The following CYP2J2 variants were observed in gnomAD, a reference collection of about 807,000 sequenced individuals.
CYP2J2 encodes the protein cytochrome P450 family 2 subfamily J member 2.
In CYP2J2, 41 loss-of-function variants were observed where a neutral mutation model predicts 48.8. The ratio of observed to expected loss-of-function variants is 0.84; its 90% CI spans 0.66 to 1.09. The LOEUF is 1.09. Ranked by LOEUF, CYP2J2 falls within the 50% of genes least tolerant of loss-of-function variation. The pLI is 0.00. For missense variants in CYP2J2, 644 were observed against 617.3 expected, an observed-to-expected ratio of 1.04 and a Z score of -0.46; for synonymous variants, 221 against 227.1, an observed-to-expected ratio of 0.97 and a Z score of 0.24.
At chr1:59,963,541 T>C in the CYP2J2 span, among the ~76,000 whole-genome samples, 2 of 152,220 alleles carry the variant, frequency 1.3e-5, no homozygotes, top group Non-Finnish European at 2.9e-5. Context: ...GGCTGGATGA[T>C]ATTCCATTGT....
intron 8 of CYP2J2, among the ~76,000 whole-genome samples, chr1:59,894,590 A>T (rs902765177): frequency 6.6e-6 from 1 of 152,208 alleles, no homozygotes; most frequent in African/African-American, 2.4e-5. Flanking sequence ...GGCAAATTAA[A>T]CAACCTCTCT....
At chr1:59,924,016 TAAACAA>T (rs1441089803) in intron 1 of CYP2J2, among the ~76,000 whole-genome samples, 1 of 151,954 alleles carries the variant, frequency 6.6e-6, no homozygotes, top group Non-Finnish European at 1.5e-5. Context: ...CTCTGAAAAT[TAAACAA>T]AAACAAAAAC....
the CYP2J2 span, among the ~76,000 whole-genome samples, chr1:59,934,163 G>A: frequency 6.6e-6 from 1 of 152,008 alleles, no homozygotes; most frequent in East Asian, 1.9e-4. Context: ...ACAATGGTGT[G>A]GCAAAACTGT....
the CYP2J2 span, among the ~76,000 whole-genome samples, chr1:59,948,047 A>AGGATT: frequency 2.0e-5 from 3 of 152,180 alleles, no homozygotes; most frequent in Non-Finnish European, 4.4e-5. Context: ...GGGGTTGCAC[A>AGGATT]GGATTCTCTG....
the CYP2J2 span, among the ~76,000 whole-genome samples, chr1:59,954,022 A>G: frequency 2.0e-5 from 3 of 152,292 alleles, no homozygotes; most frequent in Admixed American, 2.0e-4. Context: ...TTTAAGTTAG[A>G]CATGGCCAAT....
chr1:59,903,833 C>T (rs929478272), intron 7 of CYP2J2, among the ~76,000 whole-genome samples: 1 of 152,180 alleles, frequency 6.6e-6, no homozygotes, highest in Non-Finnish European at 1.5e-5. Context: ...GCTTCCAGAT[C>T]CCAACTCTTC....
At chr1:59,939,750 C>T in the CYP2J2 span, among the ~76,000 whole-genome samples, 48,604 of 152,042 alleles carry the variant, frequency 0.32, 8,666 homozygotes, top group African/African-American at 0.49. Context: ...GTCTACCTGA[C>T]GTTCTATTGC....
upstream of CYP2J2, among the ~76,000 whole-genome samples, chr1:59,930,694 G>T (rs1644598516): frequency 6.6e-6 from 1 of 151,848 alleles, no homozygotes; most frequent in Admixed American, 6.6e-5. Context: ...AAAAAAAAGT[G>T]TCAGCCAAGA....
At chr1:59,913,809 T>C (rs1286856161) in intron 2 of CYP2J2, among the ~76,000 whole-genome samples, 1 of 152,226 alleles carries the variant, frequency 6.6e-6, no homozygotes, top group Non-Finnish European at 1.5e-5. Context: ...AACCTAAAAA[T>C]ATACAGTGTA....
chr1:59,929,633 T>G (rs1483125722), upstream of CYP2J2, among the ~76,000 whole-genome samples: 1 of 152,074 alleles, frequency 6.6e-6, no homozygotes, highest in African/African-American at 2.4e-5. Context: ...ATTTTAAAAA[T>G]CACTATAGGG....
chr1:59,920,622 G>A (rs1478485831), intron 1 of CYP2J2, among the ~76,000 whole-genome samples: 1 of 152,128 alleles, frequency 6.6e-6, no homozygotes, highest in Non-Finnish European at 1.5e-5. Context: ...AGGCTGAGGA[G>A]AGTCTTAATA....
At chr1:59,955,703 C>T in the CYP2J2 span, among the ~76,000 whole-genome samples, 19 of 152,104 alleles carry the variant, frequency 1.2e-4, no homozygotes, top group East Asian at 5.8e-4. Context: ...TGGGCTAGAA[C>T]GCATAAACTT....
At chr1:59,919,299 T>A (rs1644492667) in intron 1 of CYP2J2, among the ~76,000 whole-genome samples, 1 of 152,256 alleles carries the variant, frequency 6.6e-6, no homozygotes, top group Non-Finnish European at 1.5e-5. Context: ...GTATTCAACT[T>A]TTTTCTCATT....
At chr1:59,958,129 T>C in the CYP2J2 span, among the ~76,000 whole-genome samples, 1 of 152,146 alleles carries the variant, frequency 6.6e-6, no homozygotes, top group Admixed American at 6.5e-5. Flanking sequence ...ATTACCCAAT[T>C]TCTCCTAACA....
chr1:59,914,652 C>T lies in CYP2J2; in HGVS notation c.373+1286G>A, dbSNP rs562531113. ...TTCTCTAGTCTTGATAAACCAGGGG[C>T]GCAATGCACTGTGAAAAGCTGCAGG... On this transcript the variant is annotated intron_variant, in intron 2 of 8. Coordinates refer to ENST00000371204, the MANE Select transcript of CYP2J2 (RefSeq NM_000775.4). Among the ~76,000 whole-genome samples, 5 of 152,174 alleles carry T rather than the reference C, an allele frequency of 3.3e-5. No individual in the cohort carries two copies. In the East Asian group the frequency reaches 7.7e-4, roughly 24 times the overall value.
chr1:59,940,698 T>A, the CYP2J2 span, among the ~76,000 whole-genome samples: 2 of 152,198 alleles, frequency 1.3e-5, no homozygotes, highest in African/African-American at 4.8e-5. Flanking sequence ...AGCAAACATA[T>A]GAAATCAATA....
intron 7 of CYP2J2, among the ~76,000 whole-genome samples, chr1:59,904,669 C>G (rs556249164): frequency 6.6e-6 from 1 of 152,114 alleles, no homozygotes; most frequent in African/African-American, 2.4e-5. Flanking sequence ...ACATATTTAA[C>G]GTAGGAATCC....
chr1:59,960,722 A>G, the CYP2J2 span, among the ~76,000 whole-genome samples: 23,674 of 152,194 alleles, frequency 0.16, 2,723 homozygotes, highest in African/African-American at 0.33. Context: ...AGAGGCCTGT[A>G]ATCCCAGCTA....
chr1:59,958,251 T>G, the CYP2J2 span, among the ~76,000 whole-genome samples: 2 of 152,178 alleles, frequency 1.3e-5, no homozygotes, highest in African/African-American at 4.8e-5. Flanking sequence ...ATACATTCTG[T>G]ACATCCAGAT....
Sources: allele counts gnomAD v4.1 joint callset (sites outside exome capture counted in the v4.1 genomes callset), GRCh38; gene constraint gnomAD v4.1.1; transcripts MANE v1.5; gene names NCBI Gene and HGNC (gene_info 2026-07-23, HGNC 2026-07-21).